Variants in BANK1 observed in about 807,000 individuals in gnomAD.
The protein encoded by BANK1 is B cell scaffold protein with ankyrin repeats 1.
A neutral mutation model predicts 94.5 loss-of-function variants in BANK1; 95 were observed. That is an observed-to-expected ratio of 1.00 (90% CI 0.85 to 1.19). The LOEUF (loss-of-function observed/expected upper bound fraction) is 1.19, where lower values mean the gene tolerates loss of function less well. BANK1 is among the 50% of genes most tolerant of loss of function. The pLI, the probability that BANK1 is intolerant of heterozygous loss-of-function variation, is 0.00. For synonymous variants in BANK1, 334 were observed against 308.4 expected, an observed-to-expected ratio of 1.08 and a Z score of -0.87; for missense variants, 987 against 932.2, an observed-to-expected ratio of 1.06 and a Z score of -0.77.
intron 10 of BANK1, chr4:102,032,257 G>A (rs1269217764): frequency 1.2e-4 from 19 of 152,218 alleles, no homozygotes. Context: ...GACAAGAATG[G>A]AATCCCATGT....
At chr4:101,795,965 T>G (rs1425984307) in intron 1 of BANK1, among the ~76,000 whole-genome samples, 1 of 152,232 alleles carries the variant, frequency 6.6e-6, no homozygotes. Flanking sequence ...TTGTTGAATC[T>G]GTGTAAGTAT....
chr4:102,031,212 G>C (rs1308874192), intron 10 of BANK1, among the ~76,000 whole-genome samples: 1 of 152,134 alleles, frequency 6.6e-6, no homozygotes, highest in Non-Finnish European at 1.5e-5. Flanking sequence ...ATTTTTTCAA[G>C]TGTCCGTTGG....
At chr4:101,922,303 G>T (rs989231777) in intron 7 of BANK1, among the ~76,000 whole-genome samples, 2 of 151,584 alleles carry the variant, frequency 1.3e-5, no homozygotes, top group Non-Finnish European at 1.5e-5. Context: ...TCTCAGCATT[G>T]CCCTCTCAGT....
intron 11 of BANK1, among the ~76,000 whole-genome samples, chr4:102,044,556 A>G (rs1727814470): frequency 1.5e-5 from 2 of 132,786 alleles, no homozygotes; most frequent in Non-Finnish European, 3.2e-5. Context: ...CAGTAATGGG[A>G]TGGCTGGGTC....
At chr4:101,899,420 C>A (rs749300933) in intron 6 of BANK1, among the ~76,000 whole-genome samples, 1 of 152,050 alleles carries the variant, frequency 6.6e-6, no homozygotes, top group African/African-American at 2.4e-5. Flanking sequence ...TACAAATTTT[C>A]GCATCTCTTG....
At chr4:102,052,117 T>C (rs1164564115) in intron 11 of BANK1, among the ~76,000 whole-genome samples, 5 of 83,750 alleles carry the variant, frequency 6.0e-5, no homozygotes, top group Non-Finnish European at 8.1e-5. Context: ...TTTTTTCTTT[T>C]TTTTTTTTTT....
chr4:102,019,882 G>T (rs114024570), intron 7 of BANK1, among the ~76,000 whole-genome samples: 2,805 of 152,216 alleles, frequency 0.018, 61 homozygotes, highest in Middle Eastern at 0.058. Context: ...ATTTATGAAA[G>T]TTTTCAAATC....
chr4:101,791,025 G>C, intron 1 of BANK1, 75 bp downstream of exon 1: 1 of 1,221,068 alleles, frequency 8.2e-7, no homozygotes, highest in Non-Finnish European at 1.1e-6. Flanking sequence ...ACGGGCCATC[G>C]TTAGACAACT....
chr4:101,795,946 T>C (rs1725140318), intron 1 of BANK1, among the ~76,000 whole-genome samples: 1 of 152,226 alleles, frequency 6.6e-6, no homozygotes, highest in African/African-American at 2.4e-5. Context: ...TTGTCAGGCT[T>C]ATACAGAGTT....
At chr4:101,878,760 G>A (rs1239712120) in intron 5 of BANK1, among the ~76,000 whole-genome samples, 1 of 152,050 alleles carries the variant, frequency 6.6e-6, no homozygotes, top group Non-Finnish European at 1.5e-5. Flanking sequence ...CATTTTCTCT[G>A]ACCACAATGG....
At chr4:102,052,221 G>A (rs757771265) in intron 11 of BANK1, among the ~76,000 whole-genome samples, 3 of 145,848 alleles carry the variant, frequency 2.1e-5, no homozygotes, top group Admixed American at 1.4e-4. Context: ...GTGTTCATCC[G>A]ATTCTCCTGC....
intron 1 of BANK1, among the ~76,000 whole-genome samples, chr4:101,802,161 A>G (rs1023719857): frequency 1.3e-5 from 2 of 152,108 alleles, no homozygotes; most frequent in East Asian, 1.9e-4. Flanking sequence ...TTCCCTTCCC[A>G]CTTTCAGTAT....
intron 1 of BANK1, among the ~76,000 whole-genome samples, chr4:101,821,164 C>T (rs1726131519): frequency 6.6e-6 from 1 of 152,148 alleles, no homozygotes; most frequent in Non-Finnish European, 1.5e-5. Flanking sequence ...GAGACGATAT[C>T]TCATTGGGCT....
chr4:101,981,545 T>A (rs980796895), intron 7 of BANK1, among the ~76,000 whole-genome samples: 1 of 152,142 alleles, frequency 6.6e-6, no homozygotes, highest in African/African-American at 2.4e-5. Flanking sequence ...CTGAAATCAT[T>A]GATGATTTTA....
chr4:101,862,111 G>A (rs1727898942), intron 3 of BANK1, among the ~76,000 whole-genome samples: 10 of 151,906 alleles, frequency 6.6e-5, no homozygotes, highest in Admixed American at 6.6e-4. Context: ...ATAGATAAAG[G>A]AACCAAGTTA....
In BANK1 at chr4:101,834,784, G is replaced by A. The variant is rs142429464; in HGVS notation, c.469+4578G>A. On this transcript the variant is annotated intron_variant, in intron 2 of 16. Coordinates refer to ENST00000322953, the MANE Select transcript of BANK1 (RefSeq NM_017935.5). ...AGAAACAGGCTATGAAAAAGAGAAT[G>A]ATAACAATGCCAGGAAAGTCATGGA... is the stretch of plus-strand genomic sequence containing the variant. 1.0e-3 allele frequency among the ~76,000 whole-genome samples: 154 copies of A among 152,152 alleles called. 5 individuals carry two copies. The East Asian group carries it at 0.029, about 29-fold the overall frequency.
intron 7 of BANK1, among the ~76,000 whole-genome samples, chr4:101,959,290 C>T (rs1311914044): frequency 1.3e-5 from 2 of 152,052 alleles, no homozygotes; most frequent in Non-Finnish European, 2.9e-5. Context: ...CAGGTGCCTG[C>T]CACCACGCCC....
chr4:102,060,385 A>C lies in BANK1; in HGVS notation c.2144A>C (p.Gln715Pro). ...GGAAAAAGTGGCCTGGAAATGATTC[A>C]GCAGGTAATATTGGCCCAGTGTTTT... ...QMGKSGLEMIQQEKLRQLRDC... is the reference protein window; with the variant it reads ...QMGKSGLEMIPQEKLRQLRDC... Residue 715 changes from glutamine to proline, a missense_variant, in exon 12 of 17, where the codon CAG becomes CCG. Gln to Pro is a moderately conservative substitution (Grantham distance 76). Transcript: ENST00000322953. The C allele has an allele frequency of 2.5e-6, 4 of 1,606,564 alleles. No individual in the cohort carries two copies. The South Asian group carries it at 3.4e-5, about 13-fold the overall frequency.
intron 7 of BANK1, among the ~76,000 whole-genome samples, chr4:101,976,164 A>G (rs1374080805): frequency 1.3e-5 from 2 of 152,152 alleles, no homozygotes; most frequent in Non-Finnish European, 2.9e-5. Context: ...TAAGCAGTGA[A>G]TTAGAGATAT....
Sources: allele counts gnomAD v4.1 joint callset (sites outside exome capture counted in the v4.1 genomes callset), GRCh38; gene constraint gnomAD v4.1.1; transcripts MANE v1.5; gene names NCBI Gene and HGNC (gene_info 2026-07-23, HGNC 2026-07-21).